The following PARPBP variants were observed in gnomAD, a reference collection of about 807,000 sequenced individuals.
PARPBP encodes PCNA-interacting partner.
Under a neutral mutation model 50.0 loss-of-function variants are expected in PARPBP, and 52 were observed. That is an observed-to-expected ratio of 1.04 (90% CI 0.83 to 1.31). The LOEUF (loss-of-function observed/expected upper bound fraction) is 1.31, where lower values mean the gene tolerates loss of function less well. PARPBP is among the 50% of genes most tolerant of loss of function. PARPBP has a pLI of 0.00. For synonymous variants in PARPBP, 244 were observed against 232.1 expected, an observed-to-expected ratio of 1.05 and a Z score of -0.47; for missense variants, 697 against 672.0, an observed-to-expected ratio of 1.04 and a Z score of -0.41.
intron 3 of PARPBP, chr12:102,151,838 A>G: frequency 6.9e-7 from 1 of 1,447,888 alleles, no homozygotes; most frequent in Non-Finnish European, 9.4e-7. Context: ...CAGAACATTG[A>G]AGAAGCCACC....
chr12:102,138,541 T>G (rs1884037288), intron 2 of PARPBP, among the ~76,000 whole-genome samples: 1 of 152,208 alleles, frequency 6.6e-6, no homozygotes, highest in African/African-American at 2.4e-5. Flanking sequence ...TGGCTGGTGT[T>G]TTAGTCATGA....
intron 8 of PARPBP, 27 bp from the exon 9 acceptor site, chr12:102,182,522 T>A: frequency 6.7e-7 from 1 of 1,486,924 alleles, no homozygotes; most frequent in African/African-American, 1.6e-5. Flanking sequence ...TAGCAATAAA[T>A]TTTTGCCTTT....
In PARPBP at chr12:102,197,396, C is replaced by G; in HGVS notation, c.*1105C>G. The G allele has an allele frequency of 1.1e-6, 1 of 905,014 alleles. No individual in the cohort carries two copies. Among genetic ancestry groups the G allele is most frequent in the Non-Finnish European group, 1.7e-6 (1 of 594,946 alleles). The allele number at this position is 905,014 out of a possible 1,614,324, so 56.1% of individuals were successfully genotyped here. A position where few individuals can be genotyped will look rare whatever the true frequency, so the allele number is the denominator to read the frequency against. On this transcript the variant is annotated 3_prime_UTR_variant, in exon 11 of 11. Transcript: ENST00000327680. Reference sequence around the variant, plus strand: ...CATGTAAGAAATATCGTCAGTCGTCCTAATGCATATTGTGACTGTTTGCAT... The same window carrying G: ...CATGTAAGAAATATCGTCAGTCGTCGTAATGCATATTGTGACTGTTTGCAT...
intron 2 of PARPBP, among the ~76,000 whole-genome samples, chr12:102,139,484 T>C (rs1351415367): frequency 6.6e-6 from 1 of 152,240 alleles, no homozygotes; most frequent in African/African-American, 2.4e-5. Flanking sequence ...TTCTTTCTCC[T>C]GCCTGATTGC....
At position 102,120,263 on chromosome 12, in the gene PARPBP, G is replaced by A. The variant is rs976250147; in HGVS notation, c.-27G>A. On this transcript the variant is annotated 5_prime_UTR_variant, in exon 1 of 11. Coordinates refer to ENST00000327680, the MANE Select transcript of PARPBP (RefSeq NM_017915.5). ...GATCCTTCCGCACACTGAAGAGTAC[G>A]TCTTCGGGTCTACCCCTAATCACGT... 6.7e-6 allele frequency: 2 copies of A among 297,700 alleles called. No individual in the cohort carries two copies. The highest frequency in any genetic ancestry group is 1.4e-5 in the Non-Finnish European group (2 of 143,964). The allele number at this position is 297,700 out of a possible 1,614,324, so 18.4% of individuals were successfully genotyped here. A position where few individuals can be genotyped will look rare whatever the true frequency, so the allele number is the denominator to read the frequency against.
chr12:102,137,056 G>A lies in PARPBP; in HGVS notation c.154-11174G>A, dbSNP rs189055342. Among the ~76,000 whole-genome samples the A allele has an allele frequency of 2.6e-5, 4 of 152,204 alleles. No homozygotes were observed. The East Asian group carries it at 7.7e-4, about 29-fold the overall frequency. ...TGTAAACTCCGCCTCCTGGGTTCAT[G>A]CCATTCTCTTGCCTCAGCCTCCTGA... is the stretch of plus-strand genomic sequence containing the variant. On this transcript the variant is annotated intron_variant, in intron 2 of 10. Coordinates refer to ENST00000327680, the MANE Select transcript of PARPBP (RefSeq NM_017915.5).
At chr12:102,123,404 A>C (rs1316271646) in intron 1 of PARPBP, among the ~76,000 whole-genome samples, 1 of 152,132 alleles carries the variant, frequency 6.6e-6, no homozygotes, top group East Asian at 1.9e-4. Flanking sequence ...CTATTGGTTA[A>C]ATCAAGTCAC....
intron 4 of PARPBP, among the ~76,000 whole-genome samples, chr12:102,161,019 T>C (rs1478725215): frequency 6.6e-6 from 1 of 152,098 alleles, no homozygotes; most frequent in Non-Finnish European, 1.5e-5. Context: ...AGGAGAAGCC[T>C]TAAAGCTTAT....
rs1209087261 is a variant in PARPBP at position 102,195,363 on chromosome 12, T to C, written c.1315T>C (p.Tyr439His). 1 of 1,588,204 alleles carries C rather than the reference T, an allele frequency of 6.3e-7. No individual in the cohort carries two copies. Residue 439 changes from tyrosine (Y) to histidine (H), a missense_variant, in exon 10 of 11, where the codon TAC (tyrosine) becomes CAC (histidine). Transcript: ENST00000327680. ...ATTTGCTTGTACTTATAAAGATGAC[T>C]ACATGATAAGCAAGGATAATTGGAA... The part of the protein sequence containing the change: ...SQFACTYKDD[Y>H]MISKDNWNNV...
At chr12:102,148,661 G>T (rs1885759650) in intron 3 of PARPBP, 198 bp downstream of exon 3, 2 of 429,346 alleles carry the variant, frequency 4.7e-6, no homozygotes, top group Non-Finnish European at 8.2e-6. Flanking sequence ...TTGGACTTGT[G>T]TTATTGTTAT....
chr12:102,190,708 A>C (rs1890719210), intron 9 of PARPBP, among the ~76,000 whole-genome samples: 1 of 152,162 alleles, frequency 6.6e-6, no homozygotes, highest in African/African-American at 2.4e-5. Context: ...TGGCAACAGG[A>C]GGACCACAGC....
At chr12:102,127,582 A>G (rs1475442101) in intron 2 of PARPBP, among the ~76,000 whole-genome samples, 2 of 152,154 alleles carry the variant, frequency 1.3e-5, no homozygotes, top group African/African-American at 2.4e-5. Flanking sequence ...ATCATTTGGT[A>G]TCTTTCTTTT....
chr12:102,124,280 A>T (rs1245515351), intron 2 of PARPBP, among the ~76,000 whole-genome samples: 1 of 152,232 alleles, frequency 6.6e-6, no homozygotes, highest in Non-Finnish European at 1.5e-5. Context: ...TGCATATTTG[A>T]TGTTTAATAG....
At chr12:102,154,999 C>G (rs1886685828) in intron 4 of PARPBP, 1 of 320,266 alleles carries the variant, frequency 3.1e-6, no homozygotes, top group Non-Finnish European at 6.1e-6. Context: ...GATTCCAGGT[C>G]TTTAGATAAT....
chr12:102,144,657 G>A (rs1885119651), intron 2 of PARPBP, among the ~76,000 whole-genome samples: 1 of 152,130 alleles, frequency 6.6e-6, no homozygotes, highest in African/African-American at 2.4e-5. Flanking sequence ...AATAAGTTGT[G>A]CATTTACATT....
intron 4 of PARPBP, among the ~76,000 whole-genome samples, chr12:102,161,421 TTA>T (rs1887577952): frequency 2.0e-5 from 3 of 152,152 alleles, no homozygotes; most frequent in African/African-American, 7.2e-5. Context: ...TAAGTTTTTC[TTA>T]ATAGATTTTT....
At chr12:102,177,479 T>C (rs986838709) in intron 7 of PARPBP, among the ~76,000 whole-genome samples, 7 of 152,122 alleles carry the variant, frequency 4.6e-5, no homozygotes, top group African/African-American at 1.7e-4. Flanking sequence ...TGCTTACATG[T>C]ATCTATACAT....
chr12:102,178,531 T>C (rs931753859), intron 7 of PARPBP, 61 bp from the exon 8 acceptor site: 3 of 1,027,560 alleles, frequency 2.9e-6, no homozygotes, highest in Non-Finnish European at 4.1e-6. Context: ...AATTTAAAAG[T>C]ATGGCCATTC....
chr12:102,156,878 G>A (rs973738709), intron 4 of PARPBP, among the ~76,000 whole-genome samples: 4 of 152,198 alleles, frequency 2.6e-5, no homozygotes, highest in African/African-American at 9.6e-5. Context: ...CTGACCTCAA[G>A]TGATCTGCCT....
Sources: allele counts gnomAD v4.1 joint callset (sites outside exome capture counted in the v4.1 genomes callset), GRCh38; gene constraint gnomAD v4.1.1; transcripts MANE v1.5; gene names NCBI Gene and HGNC (gene_info 2026-07-23, HGNC 2026-07-21).